THSD7B: variants seen among roughly 807,000 people sequenced by gnomAD.
The protein encoded by THSD7B is thrombospondin type 1 domain containing 7B.
A neutral mutation model predicts 213.6 loss-of-function variants in THSD7B; 138 were observed. That is an observed-to-expected ratio of 0.65 (90% confidence interval 0.56 to 0.74). The LOEUF (loss-of-function observed/expected upper bound fraction) is 0.74. THSD7B is among the 30% of genes least tolerant of loss of function. The probability of loss-of-function intolerance (pLI) is 0.00; values close to 1 mark genes in which losing one functional copy is unlikely to be tolerated. For missense variants in THSD7B, 1,931 were observed against 1,991.5 expected (o/e 0.97, Z 0.58); for synonymous variants, 742 against 687.0 (o/e 1.08, Z -1.25).
At chr2:137,620,491 C>T (rs1573747586) in intron 19 of THSD7B, 118 bp from the exon 20 acceptor site, 1 of 654,570 alleles carries the variant, frequency 1.5e-6, no homozygotes, top group East Asian at 2.8e-5. Flanking sequence ...TATACTTCCC[C>T]ACTGAAATAT....
intron 15 of THSD7B, among the ~76,000 whole-genome samples, chr2:137,474,740 T>C (rs952124680): frequency 1.4e-4 from 21 of 152,206 alleles, no homozygotes; most frequent in African/African-American, 5.1e-4. Context: ...ATTTATTTGT[T>C]TGAATCCTCA....
chr2:137,026,645 T>C (rs1483493686), intron 2 of THSD7B, among the ~76,000 whole-genome samples: 1 of 152,172 alleles, frequency 6.6e-6, no homozygotes, highest in East Asian at 1.9e-4. Flanking sequence ...GCTTTGCTTC[T>C]TTGCTTCCTC....
chr2:137,148,118 C>T (rs1679740729), intron 5 of THSD7B, among the ~76,000 whole-genome samples: 1 of 152,086 alleles, frequency 6.6e-6, no homozygotes, highest in African/African-American at 2.4e-5. Context: ...GTGGTTACCT[C>T]CATGCTGTTC....
chr2:136,785,327 C>T (rs1681822163), intron 1 of THSD7B, among the ~76,000 whole-genome samples: 1 of 152,124 alleles, frequency 6.6e-6, no homozygotes, highest in Non-Finnish European at 1.5e-5. Flanking sequence ...TTTGGCTGTT[C>T]CCCTTGCCCC....
intron 15 of THSD7B, among the ~76,000 whole-genome samples, chr2:137,457,228 A>G (rs1687780625): frequency 6.6e-6 from 1 of 151,974 alleles, no homozygotes; most frequent in East Asian, 1.9e-4. Flanking sequence ...ATGAGAAGCA[A>G]TTTTCCTGTA....
chr2:137,220,332 A>G (rs1429903027), intron 7 of THSD7B, among the ~76,000 whole-genome samples: 1 of 152,190 alleles, frequency 6.6e-6, no homozygotes, highest in African/African-American at 2.4e-5. Context: ...TACAAAACTC[A>G]ACAATAAAAA....
chr2:137,589,647 C>A (rs114702113), intron 17 of THSD7B, among the ~76,000 whole-genome samples: 3,030 of 152,214 alleles, frequency 0.02, 45 homozygotes, highest in Middle Eastern at 0.071. Flanking sequence ...TTTGCTCTTG[C>A]ATATTTGGGG....
intron 25 of THSD7B, among the ~76,000 whole-genome samples, chr2:137,661,205 C>T (rs1352209597): frequency 1.3e-5 from 2 of 152,078 alleles, no homozygotes; most frequent in Non-Finnish European, 2.9e-5. Flanking sequence ...AAGTTCACTT[C>T]CAGAGACAGA....
chr2:137,199,893 G>A (rs1278376343), intron 7 of THSD7B, among the ~76,000 whole-genome samples: 1 of 152,104 alleles, frequency 6.6e-6, no homozygotes, highest in Non-Finnish European at 1.5e-5. Flanking sequence ...CAAAGGCCAG[G>A]TGGCTAGAAT....
intron 14 of THSD7B, among the ~76,000 whole-genome samples, chr2:137,437,128 T>A (rs2105048274): frequency 6.6e-6 from 1 of 152,286 alleles, no homozygotes; most frequent in South Asian, 2.1e-4. Flanking sequence ...TCTTTTGAGA[T>A]ACTAGAAAGA....
intron 12 of THSD7B, among the ~76,000 whole-genome samples, chr2:137,401,380 T>C (rs998163783): frequency 6.6e-6 from 1 of 152,206 alleles, no homozygotes; most frequent in Non-Finnish European, 1.5e-5. Context: ...GCTATTTCTT[T>C]AGTATTTTCA....
At chr2:137,565,039 G>A (rs1048719475) in intron 16 of THSD7B, among the ~76,000 whole-genome samples, 5 of 151,978 alleles carry the variant, frequency 3.3e-5, no homozygotes, top group Admixed American at 6.6e-5. Context: ...AGAAGACTAG[G>A]ACACAGACAC....
chr2:137,542,752 A>T (rs796359852), intron 15 of THSD7B, among the ~76,000 whole-genome samples: 1 of 151,748 alleles, frequency 6.6e-6, no homozygotes, highest in Non-Finnish European at 1.5e-5. Flanking sequence ...ACTGACTTAC[A>T]CTTTTTCATT....
intron 7 of THSD7B, among the ~76,000 whole-genome samples, chr2:137,194,499 G>A (rs1051510844): frequency 6.6e-6 from 1 of 152,182 alleles, no homozygotes; most frequent in Non-Finnish European, 1.5e-5. Flanking sequence ...TATTTTAATT[G>A]AATTAGTTTG....
chr2:137,634,646 G>A (rs1000348595), intron 20 of THSD7B, among the ~76,000 whole-genome samples: 2 of 152,178 alleles, frequency 1.3e-5, no homozygotes, highest in Non-Finnish European at 2.9e-5. Context: ...GTTGTTTACA[G>A]CATGGCTTTC....
At chr2:136,945,037 T>G (rs922211115) in intron 2 of THSD7B, among the ~76,000 whole-genome samples, 1 of 152,204 alleles carries the variant, frequency 6.6e-6, no homozygotes, top group African/African-American at 2.4e-5. Flanking sequence ...CGGTTGTTCC[T>G]TTCCATTTTT....
chr2:137,303,248 T>G (rs1683648819), intron 12 of THSD7B, among the ~76,000 whole-genome samples: 1 of 152,180 alleles, frequency 6.6e-6, no homozygotes. Flanking sequence ...TGTCAAATTC[T>G]TGGCTTCAAG....
At chr2:137,271,635 C>T (rs193114096) in intron 10 of THSD7B, among the ~76,000 whole-genome samples, 6 of 151,678 alleles carry the variant, frequency 4.0e-5, no homozygotes, top group African/African-American at 4.8e-5. Flanking sequence ...CACCTAGCAC[C>T]GTGTCACTCT....
chr2:137,024,660 T>C (rs911542903), intron 2 of THSD7B, among the ~76,000 whole-genome samples: 2 of 152,084 alleles, frequency 1.3e-5, no homozygotes, highest in Admixed American at 1.3e-4. Context: ...ATTTAATACA[T>C]AGCCCATGCC....
Sources: allele counts gnomAD v4.1 joint callset (sites outside exome capture counted in the v4.1 genomes callset), GRCh38; gene constraint gnomAD v4.1.1; transcripts MANE v1.5; gene names NCBI Gene and HGNC (gene_info 2026-07-23, HGNC 2026-07-21).